DLC1: variants seen among roughly 807,000 people sequenced by gnomAD.
DLC1 encodes the protein rho GTPase-activating protein 7.
Under a neutral mutation model 140.3 loss-of-function variants are expected in DLC1, and 54 were observed. That is an observed-to-expected ratio of 0.38 (90% CI 0.31 to 0.48). The LOEUF is 0.48. DLC1 is among the 20% of genes least tolerant of loss of function. The pLI is 0.96. For missense variants in DLC1, 2,536 were observed against 1,907.0 expected, an observed-to-expected ratio of 1.33 and a Z score of -6.14; for synonymous variants, 986 against 728.1, an observed-to-expected ratio of 1.35 and a Z score of -5.70.
intron 5 of DLC1, among the ~76,000 whole-genome samples, chr8:13,189,539 G>A (rs1040276478): frequency 2.6e-5 from 4 of 152,002 alleles, no homozygotes; most frequent in African/African-American, 9.7e-5. Flanking sequence ...CTGTAATCAA[G>A]TAAAAATGTA....
At position 13,563,681 on chromosome 8, in the gene DLC1, T is replaced by C. The variant is rs925246977; in HGVS notation, c.-126+40856A>G. ...ATCTCAAAAGCATTAAAAATGTGCA[T>C]ACATTTTGACCCACGAATTATGATT... On this transcript the variant is annotated intron_variant, in intron 1 of 1. Transcript: ENST00000631382. 2.0e-5 allele frequency among the ~76,000 whole-genome samples: 3 copies of C among 152,282 alleles called. No homozygotes were observed. In the East Asian group the frequency reaches 5.8e-4, roughly 29 times the overall value.
At chr8:13,319,627 C>T (rs948970959) in intron 4 of DLC1, among the ~76,000 whole-genome samples, 2 of 152,026 alleles carry the variant, frequency 1.3e-5, no homozygotes, top group African/African-American at 2.4e-5. Context: ...CTTTGCCTTC[C>T]GACATGATTG....
chr8:13,375,934 G>A (rs890276430), intron 4 of DLC1, among the ~76,000 whole-genome samples: 1 of 152,060 alleles, frequency 6.6e-6, no homozygotes, highest in Non-Finnish European at 1.5e-5. Context: ...AAAATATCAA[G>A]GAATAAGGAG....
At chr8:13,469,646 G>C (rs1800114016) in intron 2 of DLC1, among the ~76,000 whole-genome samples, 1 of 152,112 alleles carries the variant, frequency 6.6e-6, no homozygotes, top group Admixed American at 6.5e-5. Context: ...AAGTTTTATT[G>C]AAATCTGTGT....
intron 1 of DLC1, among the ~76,000 whole-genome samples, chr8:13,556,853 T>C (rs71522352): frequency 0.14 from 21,939 of 152,276 alleles, 1,696 homozygotes; most frequent in Middle Eastern, 0.2. Flanking sequence ...ATTTAATTCA[T>C]TTATTATTTT....
intron 1 of DLC1, among the ~76,000 whole-genome samples, chr8:13,520,946 A>T (rs954392516): frequency 6.6e-6 from 1 of 152,168 alleles, no homozygotes; most frequent in Non-Finnish European, 1.5e-5. Context: ...TGGCCAAAAA[A>T]AGGGTCCATA....
rs147278929 is a variant in DLC1 at position 13,423,564 on chromosome 8, C to T, written c.1024-21945G>A. 1.9e-3 allele frequency among the ~76,000 whole-genome samples: 292 copies of T among 152,182 alleles called. 2 individuals carry two copies. The highest frequency in any genetic ancestry group is 6.5e-3 in the African/African-American group (270 of 41,540). On this transcript the variant is annotated intron_variant, in intron 2 of 17. Transcript: ENST00000276297. ...TTATAATTATAAGAAGTATTAGTAT[C>T]TTCAGTACTAAGGAGTATTAATACT... is the stretch of plus-strand genomic sequence containing the variant.
At chr8:13,252,977 C>T (rs1204973672) in intron 5 of DLC1, among the ~76,000 whole-genome samples, 1 of 152,134 alleles carries the variant, frequency 6.6e-6, no homozygotes, top group African/African-American at 2.4e-5. Context: ...GTATCATGTA[C>T]CTTAAAATAC....
intron 5 of DLC1, among the ~76,000 whole-genome samples, chr8:13,257,300 G>C (rs1443215898): frequency 6.6e-6 from 1 of 151,960 alleles, no homozygotes; most frequent in Admixed American, 6.6e-5. Context: ...AGCTGAGCAA[G>C]GTGGTGCATA....
chr8:13,537,966 C>G (rs1803348796), intron 1 of DLC1, among the ~76,000 whole-genome samples: 2 of 152,080 alleles, frequency 1.3e-5, no homozygotes, highest in Admixed American at 1.3e-4. Flanking sequence ...CAACAGCTAA[C>G]TCTTGAGAGG....
At chr8:13,402,506 A>G (rs1156561257) in intron 2 of DLC1, among the ~76,000 whole-genome samples, 1 of 152,256 alleles carries the variant, frequency 6.6e-6, no homozygotes, top group Non-Finnish European at 1.5e-5. Context: ...AGCAACATCT[A>G]CAGAGAAATG....
At chr8:13,192,665 T>C (rs758818860) in intron 5 of DLC1, among the ~76,000 whole-genome samples, 5 of 152,148 alleles carry the variant, frequency 3.3e-5, no homozygotes, top group Admixed American at 6.6e-5. Context: ...AGTCAGAATG[T>C]GATTGACTTT....
chr8:13,239,494 A>C (rs1206503950), intron 5 of DLC1, among the ~76,000 whole-genome samples: 1 of 152,162 alleles, frequency 6.6e-6, no homozygotes, highest in South Asian at 2.1e-4. Flanking sequence ...ATAATTGCCA[A>C]GTGAGTGGTT....
At chr8:13,221,724 G>GTATATATATATA (rs1311540477) in intron 5 of DLC1, among the ~76,000 whole-genome samples, 5 of 132,958 alleles carry the variant, frequency 3.8e-5, no homozygotes, top group Admixed American at 1.6e-4. Context: ...GTGTGTGTGT[G>GTATATATATATA]TGTATATATA....
chr8:13,564,300 A>G (rs975464081), intron 1 of DLC1, among the ~76,000 whole-genome samples: 1 of 152,154 alleles, frequency 6.6e-6, no homozygotes, highest in African/African-American at 2.4e-5. Flanking sequence ...AAATAAAATC[A>G]TTTTTCATCT....
intron 1 of DLC1, among the ~76,000 whole-genome samples, chr8:13,537,917 G>A (rs529728283): frequency 2.0e-5 from 3 of 152,028 alleles, no homozygotes; most frequent in South Asian, 2.1e-4. Flanking sequence ...GCCTCCCAAA[G>A]TTCTGGGATT....
chr8:13,282,458 T>C (rs950126641), intron 5 of DLC1, among the ~76,000 whole-genome samples: 1 of 152,170 alleles, frequency 6.6e-6, no homozygotes, highest in Non-Finnish European at 1.5e-5. Context: ...ATTTGCAATT[T>C]CTATAGAAAA....
At chr8:13,086,013 G>C (rs745810817) in intron 17 of DLC1, 82 bp from the exon 18 acceptor site, 36 of 1,557,822 alleles carry the variant, frequency 2.3e-5, no homozygotes, top group South Asian at 3.6e-5. Context: ...CTGTTTGCTA[G>C]TTCAAATGCA....
At chr8:13,245,866 A>C (rs1829742533) in intron 5 of DLC1, among the ~76,000 whole-genome samples, 1 of 151,888 alleles carries the variant, frequency 6.6e-6, no homozygotes, top group Admixed American at 6.6e-5. Context: ...ACTCCCGGCT[A>C]ATTTTTTGTA....
Sources: gnomAD v4.1 joint callset for allele counts (sites outside exome capture counted in the v4.1 genomes callset) on GRCh38, gnomAD v4.1.1 for gene constraint, MANE v1.5 for transcripts, NCBI Gene and HGNC (gene_info 2026-07-23, HGNC 2026-07-21) for gene names.